Variants in ABCA10 observed in about 807,000 individuals in gnomAD.
ABCA10 encodes the protein ATP binding cassette subfamily A member 10.
ABCA10 carries 169 observed loss-of-function variants against 187.5 expected under a neutral mutation model. The ratio of observed to expected loss-of-function variants is 0.90; its 90% CI spans 0.80 to 1.02. ABCA10 has a LOEUF of 1.02. ABCA10 is among the 50% of genes least tolerant of loss of function. The pLI, the probability that ABCA10 is intolerant of heterozygous loss-of-function variation, is 0.00. For missense variants in ABCA10, 1,727 were observed against 1,812.4 expected (o/e 0.95, Z 0.86); for synonymous variants, 574 against 601.8 (o/e 0.95, Z 0.68).
chr17:69,203,858 T>G (rs950605780), intron 9 of ABCA10, among the ~76,000 whole-genome samples: 6 of 152,178 alleles, frequency 3.9e-5, no homozygotes, highest in African/African-American at 1.4e-4. Context: ...AAAATGATAT[T>G]TTTACTACAA....
At chr17:69,243,572 A>C (rs904104933) in intron 1 of ABCA10, among the ~76,000 whole-genome samples, 4 of 152,338 alleles carry the variant, frequency 2.6e-5, no homozygotes, top group Middle Eastern at 3.4e-3. Flanking sequence ...AAGCCTTATA[A>C]CCAGGAAGTT....
rs1417325862 is a variant in ABCA10 at position 69,191,372 on chromosome 17, T to C, written c.1872-57A>G. The stretch of plus-strand genomic sequence containing the variant: ...AATTCTTTTCCAACACCACCACTCA[T>C]GAAAAGATAGTTTTCTATTAAACAG... On this transcript the variant is annotated intron_variant, in intron 16 of 38. Transcript: ENST00000690296. The C allele has an allele frequency of 2.8e-6, 4 of 1,417,662 alleles. No homozygotes were observed. In the Admixed American group the frequency reaches 9.9e-5, roughly 35 times the overall value. 87.8% of individuals were successfully genotyped at this position (1,417,662 alleles called of 1,614,324 possible).
intron 16 of ABCA10, 99 bp from the exon 17 acceptor site, chr17:69,191,414 G>A: frequency 3.3e-6 from 4 of 1,202,778 alleles, no homozygotes; most frequent in Non-Finnish European, 4.3e-6. Context: ...TGTATTACAG[G>A]CATATTCTAC....
At chr17:69,157,484 G>A (rs1227737255) in intron 27 of ABCA10, among the ~76,000 whole-genome samples, 1 of 152,152 alleles carries the variant, frequency 6.6e-6, no homozygotes, top group Non-Finnish European at 1.5e-5. Context: ...TGCTCATCAT[G>A]GAAGGAGAAA....
At chr17:69,200,259 A>C (rs1319327638) in intron 10 of ABCA10, among the ~76,000 whole-genome samples, 3 of 152,180 alleles carry the variant, frequency 2.0e-5, no homozygotes, top group African/African-American at 7.2e-5. Context: ...TCTTTATGAC[A>C]AATTGTGTAT....
chr17:69,156,613 A>G (rs1208363658), intron 28 of ABCA10, among the ~76,000 whole-genome samples: 3 of 152,192 alleles, frequency 2.0e-5, no homozygotes, highest in East Asian at 1.9e-4. Context: ...TGAGCAATAT[A>G]GCAAGATCCT....
chr17:69,181,675 C>T (rs1023258184), intron 22 of ABCA10, among the ~76,000 whole-genome samples: 2 of 151,788 alleles, frequency 1.3e-5, no homozygotes, highest in Non-Finnish European at 2.9e-5. Flanking sequence ...TTTAATTAGA[C>T]TAAACATAAC....
chr17:69,197,845 T>C (rs1179530308), intron 10 of ABCA10, among the ~76,000 whole-genome samples: 2 of 152,228 alleles, frequency 1.3e-5, no homozygotes, highest in Non-Finnish European at 2.9e-5. Flanking sequence ...ACCTTTGCCA[T>C]ACAATCTTAC....
rs1568069877 is a variant in ABCA10, at chr17:69,210,845, C to CATATATATATATATATAT, written c.1006+3858_1006+3859insATATATATATATATATAT. Among the ~76,000 whole-genome samples, 5 of 13,244 alleles carry CATATATATATATATATAT rather than the reference C, an allele frequency of 3.8e-4. 1 individual carries two copies. The highest frequency in any genetic ancestry group is 2.1e-3 in the African/African-American group (5 of 2,376). 8.7% of individuals were successfully genotyped at this position (13,244 alleles called of 152,430 possible). On this transcript the variant is annotated intron_variant, in intron 9 of 38. Transcript: ENST00000690296. ...ATATATATATGCCACATATTTATGC[C>CATATATATATATATATAT]ACATATATATATATATATATGCCAT...
chr17:69,168,283 T>C (rs1454126067), intron 25 of ABCA10, among the ~76,000 whole-genome samples: 2 of 151,920 alleles, frequency 1.3e-5, no homozygotes, highest in Non-Finnish European at 2.9e-5. Flanking sequence ...TGCATGAGGG[T>C]AGGGGGTTGG....
In ABCA10 at chr17:69,149,240, G is replaced by T; in HGVS notation, c.4478-152C>A. On this transcript the variant is annotated intron_variant, in intron 37 of 38. Transcript: ENST00000690296. ...TTCTTGAAGGATAAAGAAGAGTGGT[G>T]ATATGGCTAATAAAAGATAGCCATG... The T allele has an allele frequency of 6.4e-6, 5 of 785,950 alleles. No individual in the cohort carries two copies. The South Asian group carries it at 6.4e-5, about 10-fold the overall frequency. The allele number at this position is 785,950 out of a possible 1,614,324, so 48.7% of individuals were successfully genotyped here. A position where few individuals can be genotyped will look rare whatever the true frequency, so the allele number is the denominator to read the frequency against.
chr17:69,234,372 T>G (rs1388149430), intron 1 of ABCA10: 1 of 152,324 alleles, frequency 6.6e-6, no homozygotes, highest in African/African-American at 2.4e-5. Context: ...GGCTCTCTGT[T>G]GAGGCACTAG....
intron 32 of ABCA10, 81 bp from the exon 33 acceptor site, chr17:69,153,627 T>G: frequency 6.5e-7 from 1 of 1,538,858 alleles, no homozygotes; most frequent in Non-Finnish European, 8.8e-7. Flanking sequence ...CTCTAAGCAC[T>G]ATTATTCTAG....
chr17:69,214,700 T>A lies in ABCA10; in HGVS notation c.1006+4A>T, dbSNP rs1367497239. 5 of 1,487,454 alleles carry A rather than the reference T, an allele frequency of 3.4e-6. No homozygotes were observed. The highest frequency in any genetic ancestry group is 4.5e-6 in the Non-Finnish European group (5 of 1,121,318). The allele number at this position is 1,487,454 out of a possible 1,614,324, so 92.1% of individuals were successfully genotyped here. A position where few individuals can be genotyped will look rare whatever the true frequency, so the allele number is the denominator to read the frequency against. On this transcript the variant is annotated splice_donor_region_variant and intron_variant, in intron 9 of 38. Coordinates refer to ENST00000690296, the MANE Select transcript of ABCA10 (RefSeq NM_001377321.1). The stretch of plus-strand genomic sequence containing the variant: ...ATTTAACTTTAACCACACTATTAAC[T>A]TACCAGGTAAAACTCGCTCAAAATA...
At chr17:69,174,450 G>C (rs1443010099) in intron 24 of ABCA10, 56 bp from the exon 25 acceptor site, 3 of 1,483,504 alleles carry the variant, frequency 2.0e-6, no homozygotes, top group East Asian at 2.3e-5. Flanking sequence ...TAGAGGGAAA[G>C]AGGAGGGGAG....
At chr17:69,155,315 A>T (rs536751417) in intron 29 of ABCA10, among the ~76,000 whole-genome samples, 179 bp from the exon 30 acceptor site, 1 of 152,322 alleles carries the variant, frequency 6.6e-6, no homozygotes, top group East Asian at 1.9e-4. Flanking sequence ...GGGCTACTTA[A>T]TCAACTACTA....
At chr17:69,156,032 A>T in intron 28 of ABCA10, 107 bp from the exon 29 acceptor site, 1 of 1,276,896 alleles carries the variant, frequency 7.8e-7, no homozygotes, top group Non-Finnish European at 1.0e-6. Flanking sequence ...AAAGACTATC[A>T]CATCATTAAT....
intron 25 of ABCA10, among the ~76,000 whole-genome samples, chr17:69,168,352 TTC>T (rs978852542): frequency 2.0e-5 from 3 of 152,154 alleles, no homozygotes; most frequent in Non-Finnish European, 2.9e-5. Context: ...ACAGGAATCA[TTC>T]TCTTTTATAT....
chr17:69,166,548 C>A (rs925656035), intron 25 of ABCA10, among the ~76,000 whole-genome samples: 1 of 152,068 alleles, frequency 6.6e-6, no homozygotes, highest in African/African-American at 2.4e-5. Flanking sequence ...CATTGATGAT[C>A]CAACTTTTAT....
Sources: allele counts gnomAD v4.1 joint callset (sites outside exome capture counted in the v4.1 genomes callset), GRCh38; gene constraint gnomAD v4.1.1; transcripts MANE v1.5; gene names NCBI Gene and HGNC (gene_info 2026-07-23, HGNC 2026-07-21).